Variants in PRKD3 observed in about 807,000 individuals in gnomAD.
The protein encoded by PRKD3 is protein kinase D3.
Under a neutral mutation model 99.2 loss-of-function variants are expected in PRKD3, and 47 were observed. That is an observed-to-expected ratio of 0.47 (90% confidence interval 0.38 to 0.60). PRKD3 has a LOEUF of 0.60. Among genes scored for constraint, PRKD3 ranks in the 20% least tolerant of loss-of-function variants. PRKD3 has a pLI of 0.00. For synonymous variants in PRKD3, 392 were observed against 355.4 expected (o/e 1.10, Z -1.16); for missense variants, 1,019 against 1,088.4 (o/e 0.94, Z 0.90).
rs560502168 is a variant in PRKD3, at chr2:37,267,064, T to C, written c.1884+366A>G. On this transcript the variant is annotated intron_variant, in intron 14 of 18. Transcript: ENST00000234179. ...TAGAGTTTTTAATTAATGAAATAAGTGCTGTTAAAAGGTACATAATTTTAA... is the reference window on the plus strand; with the variant it reads ...TAGAGTTTTTAATTAATGAAATAAGCGCTGTTAAAAGGTACATAATTTTAA... Among the ~76,000 whole-genome samples, 3 of 152,270 alleles carry C rather than the reference T, an allele frequency of 2.0e-5. No homozygotes were observed. The South Asian group carries it at 6.2e-4, about 32-fold the overall frequency.
chr2:37,275,069 G>A (rs1205989801), intron 10 of PRKD3, among the ~76,000 whole-genome samples: 1 of 152,144 alleles, frequency 6.6e-6, no homozygotes, highest in African/African-American at 2.4e-5. Flanking sequence ...AAGCAAGTAA[G>A]AAGCAGAAAT....
rs373720523 is a variant in PRKD3, at chr2:37,267,900, A to G, written c.1778-364T>C. ...ATGAATCAATTTTATTCTAGATTCAATGAGTCAGCACAGAGTGATTTAACC... is the reference window on the plus strand; with the variant it reads ...ATGAATCAATTTTATTCTAGATTCAGTGAGTCAGCACAGAGTGATTTAACC... On this transcript the variant is annotated intron_variant, in intron 13 of 18. Transcript: ENST00000234179. 174 of 214,758 alleles carry G rather than the reference A, an allele frequency of 8.1e-4. 1 individual carries two copies. The highest frequency in any genetic ancestry group is 1.1e-3 in the Non-Finnish European group (123 of 109,956). 13.3% of individuals were successfully genotyped at this position (214,758 alleles called of 1,614,324 possible).
chr2:37,272,521 A>AC, intron 11 of PRKD3, 89 bp from the exon 12 acceptor site: 1 of 1,462,752 alleles, frequency 6.8e-7, no homozygotes, highest in African/African-American at 1.4e-5. Flanking sequence ...ATCAAACTTT[A>AC]AAAAGTTTAG....
intron 2 of PRKD3, among the ~76,000 whole-genome samples, chr2:37,293,654 C>T (rs1005044656): frequency 1.2e-4 from 18 of 152,348 alleles, no homozygotes; most frequent in Admixed American, 8.5e-4. Context: ...CAAAATTCTT[C>T]AGTAGATCTC....
chr2:37,262,399 ATAG>A (rs1216686458), intron 14 of PRKD3, among the ~76,000 whole-genome samples: 3 of 152,216 alleles, frequency 2.0e-5, no homozygotes, highest in Non-Finnish European at 4.4e-5. Flanking sequence ...TATCTGCATC[ATAG>A]TAGGTGTTTT....
chr2:37,301,563 T>G (rs1670933651), intron 2 of PRKD3, among the ~76,000 whole-genome samples: 1 of 151,958 alleles, frequency 6.6e-6, no homozygotes. Flanking sequence ...CCTCCCAAAG[T>G]GCTGAGATTA....
intron 11 of PRKD3, among the ~76,000 whole-genome samples, chr2:37,272,638 C>A (rs935542452): frequency 3.3e-5 from 5 of 152,224 alleles, no homozygotes; most frequent in Admixed American, 2.0e-4. Flanking sequence ...ACTATCTCAA[C>A]ATTTAATCGA....
At chr2:37,286,147 A>G (rs1250514803) in intron 6 of PRKD3, 30 bp downstream of exon 6, 1 of 1,524,118 alleles carries the variant, frequency 6.6e-7, no homozygotes, top group East Asian at 2.3e-5. Flanking sequence ...ACAGACATAA[A>G]TTTTAATTAG....
intron 8 of PRKD3, chr2:37,278,593 C>G (rs1669686304): frequency 6.6e-6 from 1 of 152,192 alleles, no homozygotes; most frequent in African/African-American, 2.4e-5. Context: ...ATGTGAACCT[C>G]AAACAGTTAA....
At chr2:37,258,514 C>T (rs910564222) in intron 16 of PRKD3, among the ~76,000 whole-genome samples, 5 of 152,174 alleles carry the variant, frequency 3.3e-5, no homozygotes, top group Admixed American at 3.3e-4. Flanking sequence ...CTTTGCTTCT[C>T]ATTGGAACAC....
At chr2:37,255,996 G>A (rs1199915149) in intron 17 of PRKD3, among the ~76,000 whole-genome samples, 1 of 152,004 alleles carries the variant, frequency 6.6e-6, no homozygotes, top group Non-Finnish European at 1.5e-5. Flanking sequence ...GGTGACAGAG[G>A]GAGACCCCGT....
chr2:37,309,909 T>C (rs1671349307), intron 2 of PRKD3, among the ~76,000 whole-genome samples: 1 of 151,266 alleles, frequency 6.6e-6, no homozygotes, highest in Non-Finnish European at 1.5e-5. Flanking sequence ...TACCAAAATA[T>C]TCTAATATAG....
chr2:37,320,021 T>C (rs1026118417), intron 1 of PRKD3, among the ~76,000 whole-genome samples: 2 of 152,202 alleles, frequency 1.3e-5, no homozygotes, highest in Admixed American at 1.3e-4. Flanking sequence ...CTCAGTAAGT[T>C]TTAGCAATTT....
chr2:37,316,311 T>C lies in PRKD3; in HGVS notation c.214A>G (p.Ser72Gly). 1 of 1,614,204 alleles carries C rather than the reference T, an allele frequency of 6.2e-7. No individual in the cohort carries two copies. The highest frequency in any genetic ancestry group is 8.5e-7 in the Non-Finnish European group (1 of 1,180,040). Residue 72 changes from serine to glycine, a missense_variant, in exon 2 of 19, where the codon AGT becomes GGT. Ser to Gly is a moderately conservative substitution (Grantham distance 56, BLOSUM62 0). Transcript: ENST00000234179. Reference sequence around the variant, plus strand: ...AGTTCCTGGGCTTCAATGGTAACACTCTCCCGTGTGAGGCCAATTTGCAGT... The same window carrying C: ...AGTTCCTGGGCTTCAATGGTAACACCCTCCCGTGTGAGGCCAATTTGCAGT... The part of the protein sequence containing the change: ...FLLQIGLTRE[S>G]VTIEAQELSL...
intron 8 of PRKD3, chr2:37,278,662 G>T (rs895264488): frequency 4.6e-5 from 7 of 152,192 alleles, no homozygotes; most frequent in Admixed American, 1.3e-4. Context: ...AGGTTCACCG[G>T]GCGCAGTGGC....
intron 5 of PRKD3, among the ~76,000 whole-genome samples, chr2:37,288,521 A>G (rs1670227879): frequency 6.6e-6 from 1 of 152,200 alleles, no homozygotes. Context: ...TACAGAAAAA[A>G]CTAAATAATA....
intron 2 of PRKD3, among the ~76,000 whole-genome samples, chr2:37,310,101 T>A (rs548550927): frequency 1.3e-5 from 2 of 152,278 alleles, no homozygotes; most frequent in South Asian, 4.1e-4. Context: ...AAAACAGATT[T>A]TGACATATGT....
chr2:37,316,678 T>G lies in PRKD3; in HGVS notation c.-154A>C. On this transcript the variant is annotated 5_prime_UTR_variant, in exon 2 of 19. Coordinates refer to ENST00000234179, the MANE Select transcript of PRKD3 (RefSeq NM_005813.6). ...CTGTTAAGCCACTCATGCCGATACT[T>G]TTAAGTTTTATCAAGGAGTTGAATG... is the stretch of plus-strand genomic sequence containing the variant. 3.1e-5 allele frequency: 45 copies of G among 1,436,282 alleles called. No homozygotes were observed. The highest frequency in any genetic ancestry group is 4.1e-5 in the Non-Finnish European group (45 of 1,102,214). 89.0% of individuals were successfully genotyped at this position (1,436,282 alleles called of 1,614,324 possible). A position where few individuals can be genotyped will look rare whatever the true frequency, so the allele number is the denominator to read the frequency against.
intron 2 of PRKD3, among the ~76,000 whole-genome samples, chr2:37,295,068 G>C (rs1670616627): frequency 6.6e-6 from 1 of 152,076 alleles, no homozygotes; most frequent in African/African-American, 2.4e-5. Flanking sequence ...GACAGAATGA[G>C]GCTCCGTCAC....
Sources: allele counts gnomAD v4.1 joint callset (sites outside exome capture counted in the v4.1 genomes callset), GRCh38; gene constraint gnomAD v4.1.1; transcripts MANE v1.5; gene names NCBI Gene and HGNC (gene_info 2026-07-23, HGNC 2026-07-21).